NTNG2: variants seen among roughly 807,000 people sequenced by gnomAD.
The protein encoded by NTNG2 is netrin-G2.
In NTNG2, 15 loss-of-function variants were observed where a neutral mutation model predicts 47.6. The observed-to-expected ratio is 0.32, with a 90% CI of 0.21 to 0.49. NTNG2 has a LOEUF of 0.49. Ranked by LOEUF, NTNG2 falls within the 20% of genes least tolerant of loss-of-function variation. The probability of loss-of-function intolerance (pLI) is 0.99; values close to 1 mark genes in which losing one functional copy is unlikely to be tolerated. For missense variants in NTNG2, 578 were observed against 764.6 expected (o/e 0.76, Z 2.88); for synonymous variants, 307 against 324.6 (o/e 0.95, Z 0.58).
intron 2 of NTNG2, among the ~76,000 whole-genome samples, chr9:132,196,106 C>A (rs1254407209): frequency 6.6e-6 from 1 of 152,034 alleles, no homozygotes; most frequent in Non-Finnish European, 1.5e-5. Context: ...TTATTATTAA[C>A]TAAAGTCCAT....
chr9:132,172,082 G>A lies in NTNG2; in HGVS notation c.213+5038G>A, dbSNP rs56054573. Among the ~76,000 whole-genome samples the A allele has an allele frequency of 1.9e-3, 287 of 152,346 alleles. 1 individual carries two copies. The highest frequency in any genetic ancestry group is 6.4e-3 in the African/African-American group (267 of 41,584). The stretch of plus-strand genomic sequence containing the variant: ...GATATGATAGGAGCTGGGGAAGGAG[G>A]AGGGCGTGCCCCTCCCCATGAACTC... On this transcript the variant is annotated intron_variant, in intron 2 of 7. Transcript: ENST00000393229.
chr9:132,179,545 G>C (rs1836767248), intron 2 of NTNG2, among the ~76,000 whole-genome samples: 1 of 152,184 alleles, frequency 6.6e-6, no homozygotes, highest in South Asian at 2.1e-4. Flanking sequence ...CAATGCCGGC[G>C]ATCATGGTGC....
chr9:132,225,605 CAT>C (rs1035029230), intron 3 of NTNG2, among the ~76,000 whole-genome samples: 20 of 152,166 alleles, frequency 1.3e-4, no homozygotes, highest in African/African-American at 4.8e-4. Context: ...CTTTAAAAAA[CAT>C]AACCACAATA....
At chr9:132,224,451 C>T (rs1840585062) in intron 3 of NTNG2, among the ~76,000 whole-genome samples, 1 of 152,114 alleles carries the variant, frequency 6.6e-6, no homozygotes, top group Non-Finnish European at 1.5e-5. Context: ...CCCTGTGTGC[C>T]ACCTATTTAT....
intron 4 of NTNG2, among the ~76,000 whole-genome samples, chr9:132,227,973 G>T (rs1840909513): frequency 1.3e-5 from 2 of 152,172 alleles, no homozygotes; most frequent in Non-Finnish European, 2.9e-5. Flanking sequence ...TGTGCATCTC[G>T]CTTCACCCTC....
Position 132,218,642 on chromosome 9 carries a change from GCA to G in NTNG2, c.858-8206_858-8205del, listed in dbSNP as rs1840150652. 1.3e-5 allele frequency among the ~76,000 whole-genome samples: 2 copies of G among 152,004 alleles called. No individual in the cohort carries two copies. The highest frequency in any genetic ancestry group is 4.8e-5 in the African/African-American group (2 of 41,364). The stretch of plus-strand genomic sequence containing the variant: ...CTCCCGAGTAGCTGGGATTACAGGC[GCA>G]TGCCACCACACCCAGCTAATTTTTG... On this transcript the variant is annotated intron_variant, in intron 3 of 7. Coordinates refer to ENST00000393229, the MANE Select transcript of NTNG2 (RefSeq NM_032536.4). This position sits in a 1 kb window ranked among gnomAD's most constrained non-coding sequence, Gnocchi z 5.4.
intron 3 of NTNG2, among the ~76,000 whole-genome samples, chr9:132,204,011 T>A (rs1288142798): frequency 6.6e-6 from 1 of 152,190 alleles, no homozygotes; most frequent in Non-Finnish European, 1.5e-5. Flanking sequence ...TAAGGTCTTG[T>A]GTGCCCATTC....
chr9:132,177,397 C>G (rs750179759), intron 2 of NTNG2, among the ~76,000 whole-genome samples: 1 of 152,146 alleles, frequency 6.6e-6, no homozygotes, highest in African/African-American at 2.4e-5. Flanking sequence ...AGTATTTACC[C>G]CCATATTTTC....
chr9:132,241,506 T>G, intron 7 of NTNG2: 2 of 326,648 alleles, frequency 6.1e-6, no homozygotes, highest in Non-Finnish European at 1.1e-5. Context: ...GTTGGAAAGG[T>G]ATTTGCGGGG....
chr9:132,238,426 G>A (rs1227874691), intron 5 of NTNG2, among the ~76,000 whole-genome samples: 2 of 152,166 alleles, frequency 1.3e-5, no homozygotes, highest in South Asian at 2.1e-4. Flanking sequence ...CAGGAGCAGC[G>A]AGTCAGAAGC....
At chr9:132,196,936 C>G (rs770204907) in intron 2 of NTNG2, among the ~76,000 whole-genome samples, 5 of 152,108 alleles carry the variant, frequency 3.3e-5, no homozygotes, top group Admixed American at 2.0e-4. Context: ...GAACAGCTCA[C>G]GGAACTCAGA....
In NTNG2 at chr9:132,162,555, T is replaced by TGTGTGTGAGAGA. The variant is rs112179857; in HGVS notation, c.-484+317_-484+318insTGTGTGAGAGAG. 1.5e-4 allele frequency among the ~76,000 whole-genome samples: 21 copies of TGTGTGTGAGAGA among 139,472 alleles called. No individual in the cohort carries two copies. Among genetic ancestry groups the TGTGTGTGAGAGA allele is most frequent in the East Asian group, 6.5e-4 (3 of 4,610 alleles). The allele number at this position is 139,472 out of a possible 152,430, so 91.5% of individuals were successfully genotyped here. A position where few individuals can be genotyped will look rare whatever the true frequency, so the allele number is the denominator to read the frequency against. On this transcript the variant is annotated intron_variant, in intron 1 of 7. Coordinates refer to ENST00000393229, the MANE Select transcript of NTNG2 (RefSeq NM_032536.4). This position sits in a 1 kb window ranked among gnomAD's most constrained non-coding sequence, Gnocchi z 4.6. Reference sequence around the variant, plus strand: ...GTGAGAGTGTGTGTGTGTGTGTGTGTGAGAGAGAGACAGAGTGTGTGTGTG... The same window carrying TGTGTGTGAGAGA: ...GTGAGAGTGTGTGTGTGTGTGTGTGTGTGTGTGAGAGAGAGAGAGAGACAGAGTGTGTGTGTG...
intron 2 of NTNG2, among the ~76,000 whole-genome samples, chr9:132,167,742 G>A (rs1308838302): frequency 2.0e-5 from 3 of 152,274 alleles, no homozygotes; most frequent in South Asian, 2.1e-4. Flanking sequence ...CTAGGGGCAC[G>A]GAGTACTTCA....
At chr9:132,173,291 G>A (rs942635338) in intron 2 of NTNG2, among the ~76,000 whole-genome samples, 8 of 152,200 alleles carry the variant, frequency 5.3e-5, no homozygotes, top group Non-Finnish European at 7.3e-5. Context: ...ATGACATCTT[G>A]TTGCACAGTG....
At chr9:132,191,014 G>A (rs912428384) in intron 2 of NTNG2, among the ~76,000 whole-genome samples, 4 of 152,212 alleles carry the variant, frequency 2.6e-5, no homozygotes, top group African/African-American at 9.7e-5. Context: ...GTCCCGTGGA[G>A]TCCAGGGGAT....
chr9:132,229,930 C>G (rs1166707462), intron 4 of NTNG2, among the ~76,000 whole-genome samples: 2 of 152,254 alleles, frequency 1.3e-5, no homozygotes, highest in South Asian at 2.1e-4. Context: ...CCTGGACACA[C>G]AGAGACACAC....
intron 3 of NTNG2, among the ~76,000 whole-genome samples, chr9:132,219,109 T>C (rs538790505): frequency 3.6e-4 from 54 of 151,716 alleles, no homozygotes; most frequent in Middle Eastern, 3.4e-3. Flanking sequence ...CCCAGCTACT[T>C]GGGAGGCTGA....
At position 132,242,085 on chromosome 9, in the gene NTNG2, G is replaced by T; in HGVS notation, c.1567G>T (p.Gly523Trp). ...CCTGCTCGGCTGCCTGCTGCTGCTGGGGCTGGCCGCCCGCCTGGGCCGCTG... is the reference window on the plus strand; with the variant it reads ...CCTGCTCGGCTGCCTGCTGCTGCTGTGGCTGGCCGCCCGCCTGGGCCGCTG... ...ATLLGCLLLLGLAARLGR is the reference protein window; with the variant it reads ...ATLLGCLLLLWLAARLGR Residue 523 changes from glycine (G) to tryptophan (W), a missense_variant, in exon 8 of 8, where the codon GGG becomes TGG. Transcript: ENST00000393229. This position sits in a 1 kb window ranked among gnomAD's most constrained non-coding sequence, Gnocchi z 5.9. 8.4e-7 allele frequency: 1 copy of T among 1,184,284 alleles called. No homozygotes were observed. The allele number at this position is 1,184,284 out of a possible 1,614,324, so 73.4% of individuals were successfully genotyped here. A position where few individuals can be genotyped will look rare whatever the true frequency, so the allele number is the denominator to read the frequency against.
intron 3 of NTNG2, among the ~76,000 whole-genome samples, chr9:132,211,512 CCTT>C (rs906872114): frequency 6.6e-6 from 1 of 152,160 alleles, no homozygotes; most frequent in African/African-American, 2.4e-5. Context: ...CCTCTCACCT[CCTT>C]CTGTAGCCTG....
Sources: allele counts gnomAD v4.1 joint callset (sites outside exome capture counted in the v4.1 genomes callset), GRCh38; gene constraint gnomAD v4.1.1; non-coding constraint Gnocchi (gnomAD v3.1); transcripts MANE v1.5; gene names NCBI Gene and HGNC (gene_info 2026-07-23, HGNC 2026-07-21).